Variants in SRPRB observed in about 807,000 individuals in gnomAD.
SRPRB encodes signal recognition particle receptor subunit beta.
Under a neutral mutation model 31.9 loss-of-function variants are expected in SRPRB, and 20 were observed. That is an observed-to-expected ratio of 0.63 (90% CI 0.44 to 0.91). The LOEUF is 0.91. Among genes scored for constraint, SRPRB ranks in the 40% least tolerant of loss-of-function variants. The pLI, the probability that SRPRB is intolerant of heterozygous loss-of-function variation, is 0.00. For missense variants in SRPRB, 321 were observed against 324.9 expected, an observed-to-expected ratio of 0.99 and a Z score of 0.09; for synonymous variants, 146 against 132.8, an observed-to-expected ratio of 1.10 and a Z score of -0.68.
intron 6 of SRPRB, among the ~76,000 whole-genome samples, chr3:133,819,214 C>G (rs1935421528): frequency 1.3e-5 from 2 of 152,126 alleles, no homozygotes; most frequent in Non-Finnish European, 2.9e-5. Context: ...TTTTATAACA[C>G]TTAAAGCATG....
At chr3:133,787,742 T>C (rs1934723602) in intron 1 of SRPRB, 1 of 152,236 alleles carries the variant, frequency 6.6e-6, no homozygotes, top group African/African-American at 2.4e-5. Flanking sequence ...ATATGTTAAA[T>C]GCATTGCAAG....
intron 6 of SRPRB, among the ~76,000 whole-genome samples, chr3:133,817,489 A>AT (rs1935387176): frequency 6.6e-6 from 1 of 152,184 alleles, no homozygotes; most frequent in African/African-American, 2.4e-5. Flanking sequence ...ACTTGGCAAT[A>AT]TTATATATCC....
downstream of SRPRB, chr3:133,828,447 A>T: frequency 5.1e-6 from 2 of 394,736 alleles, no homozygotes; most frequent in Non-Finnish European, 4.6e-6. Flanking sequence ...AAAAACAAAA[A>T]GCACATCTTT....
intron 1 of SRPRB, chr3:133,792,701 C>T (rs1934871059): frequency 6.6e-6 from 1 of 151,992 alleles, no homozygotes; most frequent in Non-Finnish European, 1.5e-5. Context: ...AAGATTATAA[C>T]AAGGCATGGG....
upstream of SRPRB, among the ~76,000 whole-genome samples, chr3:133,803,188 T>C (rs1935087981): frequency 6.6e-6 from 1 of 152,172 alleles, no homozygotes; most frequent in Non-Finnish European, 1.5e-5. Context: ...GTTTTTTTTT[T>C]CCTCTCAAGT....
chr3:133,795,570 AT>A (rs745790067), intron 1 of SRPRB: 31,796 of 97,670 alleles, frequency 0.33, 3,067 homozygotes, highest in African/African-American at 0.4. Flanking sequence ...AAAAAGTGGA[AT>A]TTTTTTTTTT....
chr3:133,787,608 G>A (rs1934720031), intron 1 of SRPRB: 2 of 152,170 alleles, frequency 1.3e-5, no homozygotes, highest in Admixed American at 1.3e-4. Flanking sequence ...TTGCAAGTGG[G>A]ATTGTTAAAT....
At chr3:133,803,968 C>T (rs1204996416), upstream of SRPRB, among the ~76,000 whole-genome samples, 3 of 150,066 alleles carry the variant, frequency 2.0e-5, no homozygotes, top group South Asian at 2.1e-4. Flanking sequence ...TGGTGGCAGG[C>T]GCCTGTAGTC....
chr3:133,812,735 T>C (rs1347701313), intron 4 of SRPRB, among the ~76,000 whole-genome samples: 2 of 152,236 alleles, frequency 1.3e-5, no homozygotes, highest in Admixed American at 1.3e-4. Flanking sequence ...TCCAATAATA[T>C]CAGTTTCCTT....
In SRPRB at chr3:133,805,827, C is replaced by A. The variant is rs1302427326; in HGVS notation, c.-22C>A. 1.3e-6 allele frequency: 2 copies of A among 1,596,022 alleles called. No individual in the cohort carries two copies. Among genetic ancestry groups the A allele is most frequent in the East Asian group, 2.2e-5 (1 of 44,808 alleles). ...GCAGGGCCACGTCGCTTTTGCTGTA[C>A]CGGGGACCACGCGTCTCATCCATGG... On this transcript the variant is annotated 5_prime_UTR_variant, in exon 1 of 7. Coordinates refer to ENST00000678299, the MANE Select transcript of SRPRB (RefSeq NM_001379313.1).
upstream of SRPRB, among the ~76,000 whole-genome samples, chr3:133,804,740 A>C (rs1162310100): frequency 6.6e-6 from 1 of 152,194 alleles, no homozygotes; most frequent in Non-Finnish European, 1.5e-5. Context: ...AAAAAAATAC[A>C]AGTGACTCCA....
chr3:133,799,385 G>A (rs1375312701), intron 1 of SRPRB, among the ~76,000 whole-genome samples: 1 of 152,114 alleles, frequency 6.6e-6, no homozygotes. Context: ...GAACTGCTGG[G>A]GAAAGGTGGT....
At chr3:133,804,507 G>A (rs1935115109), upstream of SRPRB, among the ~76,000 whole-genome samples, 1 of 152,124 alleles carries the variant, frequency 6.6e-6, no homozygotes, top group Non-Finnish European at 1.5e-5. Flanking sequence ...AATTATCCTT[G>A]GCTACAAGGA....
At position 133,814,637 on chromosome 3, in the gene SRPRB, T is replaced by C. The variant is rs114929571; in HGVS notation, c.411-953T>C. Among the ~76,000 whole-genome samples the C allele has an allele frequency of 5.5e-3, 827 of 151,242 alleles. 5 individuals carry two copies. Among genetic ancestry groups the C allele is most frequent in the African/African-American group, 0.018 (753 of 41,154 alleles). On this transcript the variant is annotated intron_variant, in intron 4 of 6. Transcript: ENST00000678299. ...TATTTTTAGTAGAGATTGGGTTTCA[T>C]CATGTTGCCCAGACTTGTCTCGAAC...
rs1935452580 is a variant in SRPRB at position 133,820,513 on chromosome 3, T to G, written c.*747T>G. On this transcript the variant is annotated 3_prime_UTR_variant, in exon 7 of 7. Coordinates refer to ENST00000678299, the MANE Select transcript of SRPRB (RefSeq NM_001379313.1). Reference sequence around the variant, plus strand: ...AGATTTAGGTGCTGCTCTGCTGCTCTGGATGGCTGAAGGCTCCTGGGCCAT... The same window carrying G: ...AGATTTAGGTGCTGCTCTGCTGCTCGGGATGGCTGAAGGCTCCTGGGCCAT... The G allele has an allele frequency of 1.3e-5, 2 of 152,252 alleles. No homozygotes were observed. The highest frequency in any genetic ancestry group is 4.8e-5 in the African/African-American group (2 of 41,448). The allele number at this position is 152,252 out of a possible 1,614,324, so 9.4% of individuals were successfully genotyped here. A position where few individuals can be genotyped will look rare whatever the true frequency, so the allele number is the denominator to read the frequency against.
chr3:133,818,528 A>G (rs917831047), intron 6 of SRPRB, among the ~76,000 whole-genome samples: 17 of 152,248 alleles, frequency 1.1e-4, no homozygotes, highest in African/African-American at 4.1e-4. Context: ...GTCTCTCAAT[A>G]ACACGGTATA....
chr3:133,807,361 C>G (rs1455088360), intron 2 of SRPRB, among the ~76,000 whole-genome samples: 1 of 147,212 alleles, frequency 6.8e-6, no homozygotes, highest in African/African-American at 2.5e-5. Context: ...TCAGATGATT[C>G]TCCCACCTCA....
chr3:133,784,713 C>G (rs1210736514), intron 1 of SRPRB: 2 of 152,074 alleles, frequency 1.3e-5, no homozygotes, highest in African/African-American at 2.4e-5. Context: ...GAAACCATGC[C>G]CCTACCTTCC....
chr3:133,799,158 TG>T (rs1935024426), intron 1 of SRPRB, among the ~76,000 whole-genome samples: 1 of 152,238 alleles, frequency 6.6e-6, no homozygotes, highest in Admixed American at 6.5e-5. Context: ...TCTAGAGGGA[TG>T]TTTCGCCAAA....
Sources: allele counts gnomAD v4.1 joint callset (sites outside exome capture counted in the v4.1 genomes callset), GRCh38; gene constraint gnomAD v4.1.1; transcripts MANE v1.5; gene names NCBI Gene and HGNC (gene_info 2026-07-23, HGNC 2026-07-21).